The following DOCK1 variants were observed in gnomAD, a reference collection of about 807,000 sequenced individuals.
The protein encoded by DOCK1 is dedicator of cytokinesis protein 1.
A neutral mutation model predicts 262.7 loss-of-function variants in DOCK1; 138 were observed. The ratio of observed to expected loss-of-function variants is 0.53; its 90% CI spans 0.46 to 0.61. The LOEUF (loss-of-function observed/expected upper bound fraction) is 0.61. DOCK1 is among the 20% of genes least tolerant of loss of function. The pLI, the probability that DOCK1 is intolerant of heterozygous loss-of-function variation, is 0.00. For synonymous variants in DOCK1, 866 were observed against 867.4 expected (o/e 1.00, Z 0.03); for missense variants, 1,908 against 2,370.7 (o/e 0.80, Z 4.05).
At chr10:127,223,243 G>T (rs896824622) in intron 27 of DOCK1, among the ~76,000 whole-genome samples, 2 of 152,136 alleles carry the variant, frequency 1.3e-5, no homozygotes, top group Non-Finnish European at 2.9e-5. Context: ...TTTTCTGAAA[G>T]AAAGTAGCTT....
At position 127,120,656 on chromosome 10, in the gene DOCK1, A is replaced by G. The variant is rs79048800; in HGVS notation, c.2624-4818A>G. On this transcript the variant is annotated intron_variant, in intron 25 of 51. Coordinates refer to ENST00000623213, the MANE Select transcript of DOCK1 (RefSeq NM_001290223.2). ...AATTTACCTTTGAAAAATGAGATTC[A>G]CATACCCCAATTGTTCCAAACATTG... 3.3e-4 allele frequency among the ~76,000 whole-genome samples: 50 copies of G among 152,352 alleles called. No individual in the cohort carries two copies. In the East Asian group the frequency reaches 6.4e-3, roughly 19 times the overall value.
At chr10:127,136,140 T>C (rs193114423) in intron 27 of DOCK1, 1 of 152,404 alleles carries the variant, frequency 6.6e-6, no homozygotes, top group East Asian at 1.9e-4. Flanking sequence ...AGCATACAAC[T>C]GCAGTGTTGT....
At chr10:127,338,786 C>T (rs531503115) in intron 29 of DOCK1, among the ~76,000 whole-genome samples, 3 of 151,760 alleles carry the variant, frequency 2.0e-5, no homozygotes, top group African/African-American at 7.3e-5. Context: ...TTATTTTGGT[C>T]TGTTTCTTTC....
At chr10:126,940,438 C>T (rs1382901527) in intron 1 of DOCK1, among the ~76,000 whole-genome samples, 1 of 152,190 alleles carries the variant, frequency 6.6e-6, no homozygotes, top group Non-Finnish European at 1.5e-5. Context: ...GACAGGGTCT[C>T]TGTCACCCAG....
At chr10:127,218,232 TA>T (rs1450240054) in intron 27 of DOCK1, among the ~76,000 whole-genome samples, 1 of 152,262 alleles carries the variant, frequency 6.6e-6, no homozygotes, top group Non-Finnish European at 1.5e-5. Flanking sequence ...ACATGAGACT[TA>T]ACAATTGAAA....
At chr10:127,302,203 C>T (rs573632234) in intron 29 of DOCK1, among the ~76,000 whole-genome samples, 2 of 152,066 alleles carry the variant, frequency 1.3e-5, no homozygotes, top group Non-Finnish European at 1.5e-5. Context: ...TTGGCCAACC[C>T]GAGCTTGCCA....
intron 29 of DOCK1, among the ~76,000 whole-genome samples, chr10:127,337,888 C>T (rs1215019318): frequency 6.6e-6 from 1 of 152,174 alleles, no homozygotes; most frequent in Non-Finnish European, 1.5e-5. Flanking sequence ...GCAGTGACAG[C>T]GGGTGATGGG....
At chr10:127,158,773 G>T (rs1485137371) in intron 27 of DOCK1, among the ~76,000 whole-genome samples, 1 of 152,166 alleles carries the variant, frequency 6.6e-6, no homozygotes, top group Non-Finnish European at 1.5e-5. Context: ...GGATTTTGTG[G>T]CATTCACTAT....
In DOCK1 at chr10:127,187,962, G is replaced by A. The variant is rs548191498; in HGVS notation, c.2848-60046G>A. Among the ~76,000 whole-genome samples the A allele has an allele frequency of 2.0e-5, 3 of 152,210 alleles. No homozygotes were observed. The South Asian group carries it at 6.2e-4, about 32-fold the overall frequency. ...TCTTCCTTTATCTTTTTCACCCTTT[G>A]TTGTCTTCTATTTCCTGCTGTATCT... is the stretch of plus-strand genomic sequence containing the variant. On this transcript the variant is annotated intron_variant, in intron 27 of 51. Transcript: ENST00000623213.
intron 4 of DOCK1, among the ~76,000 whole-genome samples, chr10:126,983,160 G>A (rs563942958): frequency 1.4e-4 from 22 of 152,258 alleles, no homozygotes; most frequent in African/African-American, 5.1e-4. Context: ...GAAATGAACA[G>A]TTTAGAAACA....
At chr10:127,358,703 T>A (rs2064265583) in intron 32 of DOCK1, among the ~76,000 whole-genome samples, 1 of 152,204 alleles carries the variant, frequency 6.6e-6, no homozygotes, top group Non-Finnish European at 1.5e-5. Flanking sequence ...AAAACCCGTA[T>A]ACATTGTGGC....
At chr10:127,160,165 C>T (rs183277926) in intron 27 of DOCK1, among the ~76,000 whole-genome samples, 1 of 151,506 alleles carries the variant, frequency 6.6e-6, no homozygotes, top group East Asian at 1.9e-4. Flanking sequence ...TCTCACTGTG[C>T]TGTCATTAGA....
At chr10:127,381,967 ATGG>A (rs2065852727) in intron 37 of DOCK1, among the ~76,000 whole-genome samples, 1 of 142,400 alleles carries the variant, frequency 7.0e-6, no homozygotes, top group African/African-American at 2.7e-5. Context: ...GTATGGATGG[ATGG>A]ATGGATGGAT....
At chr10:127,224,784 AT>A (rs1260676363) in intron 27 of DOCK1, among the ~76,000 whole-genome samples, 1 of 151,818 alleles carries the variant, frequency 6.6e-6, no homozygotes, top group African/African-American at 2.4e-5. Context: ...ATATCTGTAT[AT>A]TTTTATATTA....
At chr10:127,126,967 C>G (rs1398550924) in intron 26 of DOCK1, among the ~76,000 whole-genome samples, 1 of 152,146 alleles carries the variant, frequency 6.6e-6, no homozygotes, top group Non-Finnish European at 1.5e-5. Context: ...GGGGCATTGC[C>G]TTTGGAGAGG....
chr10:127,158,958 T>TATCCC (rs2053339271), intron 27 of DOCK1, among the ~76,000 whole-genome samples: 1 of 152,212 alleles, frequency 6.6e-6, no homozygotes, highest in Non-Finnish European at 1.5e-5. Context: ...AACTGGGTTT[T>TATCCC]ATCCCAGGGA....
chr10:127,328,348 C>T (rs183495682), intron 29 of DOCK1, among the ~76,000 whole-genome samples: 8 of 152,300 alleles, frequency 5.3e-5, no homozygotes, highest in Admixed American at 6.5e-5. Flanking sequence ...TGCCTTGAAC[C>T]GTATGGTTTG....
intron 14 of DOCK1, 139 bp from the exon 15 acceptor site, chr10:127,024,546 G>T (rs2042688538): frequency 4.4e-6 from 3 of 682,216 alleles, no homozygotes; most frequent in African/African-American, 1.8e-5. Flanking sequence ...TGCTTCCCTT[G>T]CTGGGAACGT....
At chr10:127,267,142 A>G (rs2135131494) in intron 29 of DOCK1, among the ~76,000 whole-genome samples, 2 of 152,288 alleles carry the variant, frequency 1.3e-5, no homozygotes, top group South Asian at 4.2e-4. Flanking sequence ...GGTTGCTTTT[A>G]GAGGGGACAC....
Sources: gnomAD v4.1 joint callset for allele counts (sites outside exome capture counted in the v4.1 genomes callset) on GRCh38, gnomAD v4.1.1 for gene constraint, MANE v1.5 for transcripts, NCBI Gene and HGNC (gene_info 2026-07-23, HGNC 2026-07-21) for gene names.